RALGDS: variants seen among roughly 807,000 people sequenced by gnomAD.
RALGDS encodes the protein ral guanine nucleotide dissociation stimulator, also known as ral guanine nucleotide exchange factor.
A neutral mutation model predicts 99.8 loss-of-function variants in RALGDS; 44 were observed. That is an observed-to-expected ratio of 0.44 (90% CI 0.35 to 0.57). The LOEUF (loss-of-function observed/expected upper bound fraction) is 0.57, where lower values mean the gene tolerates loss of function less well. Among genes scored for constraint, RALGDS ranks in the 20% least tolerant of loss-of-function variants. The pLI is 0.01. For missense variants in RALGDS, 1,022 were observed against 1,203.1 expected, an observed-to-expected ratio of 0.85 and a Z score of 2.23; for synonymous variants, 529 against 505.0, an observed-to-expected ratio of 1.05 and a Z score of -0.64.
At chr9:133,137,483 G>C (rs541640461) in intron 1 of RALGDS, among the ~76,000 whole-genome samples, 84 of 152,262 alleles carry the variant, frequency 5.5e-4, no homozygotes, top group Non-Finnish European at 1.0e-3. Flanking sequence ...GATGAGGCTG[G>C]AGAGGAGCCT....
chr9:133,113,298 C>T (rs868447919), intron 1 of RALGDS, among the ~76,000 whole-genome samples: 4 of 152,298 alleles, frequency 2.6e-5, no homozygotes, highest in Middle Eastern at 3.4e-3. Flanking sequence ...CTTCCCTCAA[C>T]CCCAGCAGGA....
chr9:133,106,080 T>C, intron 8 of RALGDS, 64 bp from the exon 9 acceptor site: 1 of 1,315,120 alleles, frequency 7.6e-7, no homozygotes, highest in Non-Finnish European at 1.1e-6. Flanking sequence ...TGAGTGCAAA[T>C]CCGTTTTATT....
At chr9:133,130,616 G>C (rs1050849312) in intron 1 of RALGDS, among the ~76,000 whole-genome samples, 1 of 152,172 alleles carries the variant, frequency 6.6e-6, no homozygotes, top group Non-Finnish European at 1.5e-5. Context: ...TAATTTACTA[G>C]AGTGACTACT....
chr9:133,106,883 CG>C, intron 7 of RALGDS, 135 bp from the exon 8 acceptor site: 4 of 913,788 alleles, frequency 4.4e-6, no homozygotes, highest in Non-Finnish European at 6.9e-6. Context: ...GCCTGCGACC[CG>C]GGGGTGACAG....
intron 1 of RALGDS, among the ~76,000 whole-genome samples, chr9:133,113,459 G>T (rs1021215783): frequency 6.6e-6 from 1 of 152,178 alleles, no homozygotes; most frequent in Admixed American, 6.5e-5. Flanking sequence ...AAAGCTGCGG[G>T]CATTGTGCCG....
At chr9:133,135,189 C>T (rs895035187), upstream of RALGDS, among the ~76,000 whole-genome samples, 3 of 152,122 alleles carry the variant, frequency 2.0e-5, no homozygotes, top group Non-Finnish European at 2.9e-5. Context: ...TAGGGAGACC[C>T]GGGGACTCCC....
chr9:133,125,771 C>T (rs978532726), upstream of RALGDS, among the ~76,000 whole-genome samples: 4 of 152,142 alleles, frequency 2.6e-5, no homozygotes, highest in African/African-American at 4.8e-5. Flanking sequence ...TTGAGACTCA[C>T]CCTCTGATGC....
chr9:133,102,227 CA>C, intron 14 of RALGDS, 88 bp from the exon 15 acceptor site: 1 of 1,408,352 alleles, frequency 7.1e-7, no homozygotes, highest in Non-Finnish European at 9.7e-7. Flanking sequence ...AAGGACTGTG[CA>C]AAGTGCTGGG....
chr9:133,105,964 T>G lies in RALGDS; in HGVS notation c.1570A>C (p.Asn524His), dbSNP rs1261089407. ...AGCAGCTCCCGGCTCAATGAGTAGT[T>G]GTTCTCATCTGAGAAGATCTCTGAC... ...KLSEIFSDEN[N>H]YSLSRELLIK... The change falls in exon 9 of 18, where the codon AAC becomes CAC. Residue 524 changes from asparagine to histidine, a missense_variant. Asn to His is a moderately conservative substitution (Grantham distance 68). This residue lies in a region of RALGDS where 825 missense variants were observed against 994.5 expected (regional missense o/e 0.83). Coordinates refer to ENST00000372050, the MANE Select transcript of RALGDS (RefSeq NM_006266.4). The G allele has an allele frequency of 6.2e-7, 1 of 1,604,294 alleles. No homozygotes were observed. Among genetic ancestry groups the G allele is most frequent in the East Asian group, 2.3e-5 (1 of 44,052 alleles).
chr9:133,115,400 C>A (rs561074066), intron 1 of RALGDS, among the ~76,000 whole-genome samples: 2 of 152,308 alleles, frequency 1.3e-5, no homozygotes, highest in South Asian at 2.1e-4. Context: ...GAAAGGCTCA[C>A]GGCAGAGCCT....
At chr9:133,107,336 C>T in intron 6 of RALGDS, 36 bp from the exon 7 acceptor site, 1 of 1,561,018 alleles carries the variant, frequency 6.4e-7, no homozygotes, top group African/African-American at 1.4e-5. Context: ...GGTCCTGCCC[C>T]AGCAGTCTGG....
chr9:133,135,431 G>A (rs1387622768), upstream of RALGDS, among the ~76,000 whole-genome samples: 1 of 152,196 alleles, frequency 6.6e-6, no homozygotes, highest in African/African-American at 2.4e-5. Context: ...CACGCAGGTT[G>A]CCAAGAAGCT....
At chr9:133,127,852 C>A (rs917507612) in intron 1 of RALGDS, among the ~76,000 whole-genome samples, 1 of 152,232 alleles carries the variant, frequency 6.6e-6, no homozygotes. Context: ...GTGACAGCAA[C>A]CCTCTGACCT....
At position 133,121,031 on chromosome 9, in the gene RALGDS, T is replaced by C. The variant is rs938445033; in HGVS notation, c.124A>G (p.Ser42Gly). The change falls in exon 1 of 18, where the codon AGC becomes GGC. Residue 42 changes from serine to glycine, a missense_variant. By Grantham distance (56) the Ser-to-Gly change is moderately conservative. This residue lies in a region of RALGDS where 180 missense variants were observed against 169.3 expected (regional missense o/e 1.06). Transcript: ENST00000372050. ...AVRLEVGVPD[S>G]CPVVLHSFTQ... is the part of the protein sequence containing the mutation. ...AAGCTGTGCAGCACCACCGGGCAGCTGTCGGGGACGCCCACCTCCAGGCGC... is the reference window on the plus strand; with the variant it reads ...AAGCTGTGCAGCACCACCGGGCAGCCGTCGGGGACGCCCACCTCCAGGCGC... 8.3e-5 allele frequency: 124 copies of C among 1,495,542 alleles called. No individual in the cohort carries two copies. The highest frequency in any genetic ancestry group is 1.1e-4 in the Non-Finnish European group (120 of 1,128,978). 92.6% of individuals were successfully genotyped at this position (1,495,542 alleles called of 1,614,324 possible). A position where few individuals can be genotyped will look rare whatever the true frequency, so the allele number is the denominator to read the frequency against.
At position 133,112,041 on chromosome 9, in the gene RALGDS, C is replaced by T; in HGVS notation, c.294+1G>A. The T allele has an allele frequency of 6.4e-7, 1 of 1,569,584 alleles. No individual in the cohort carries two copies. The highest frequency in any genetic ancestry group is 8.6e-7 in the Non-Finnish European group (1 of 1,156,260). The stretch of plus-strand genomic sequence containing the variant: ...CCAGTGGAGACCCCGAGCGCACTCA[C>T]CCCGAGCCAGCGCTGCCCCTTGTTG... On this transcript the variant is annotated splice_donor_variant, in intron 2 of 17. Coordinates refer to ENST00000372050, the MANE Select transcript of RALGDS (RefSeq NM_006266.4). LOFTEE classifies it high-confidence loss of function.
chr9:133,141,978 A>T (rs1362560438), intron 1 of RALGDS, among the ~76,000 whole-genome samples: 1 of 152,112 alleles, frequency 6.6e-6, no homozygotes, highest in East Asian at 1.9e-4. Flanking sequence ...ACACGGTACC[A>T]CACGTGGTAC....
At chr9:133,120,757 CCTA>C (rs1292088755) in intron 1 of RALGDS, among the ~76,000 whole-genome samples, 2 of 152,186 alleles carry the variant, frequency 1.3e-5, no homozygotes, top group African/African-American at 4.8e-5. Flanking sequence ...AGCCGTGGTC[CCTA>C]CTGTTGGACG....
At chr9:133,147,657 T>C (rs1483081748) in intron 1 of RALGDS, among the ~76,000 whole-genome samples, 1 of 152,170 alleles carries the variant, frequency 6.6e-6, no homozygotes, top group East Asian at 1.9e-4. Context: ...CTCCAGTTGC[T>C]CCAATGAGTA....
chr9:133,108,711 T>C lies in RALGDS; in HGVS notation c.740A>G (p.Gln247Arg). The change falls in exon 5 of 18, where the codon CAG (glutamine) becomes CGG (arginine). Residue 247 changes from glutamine to arginine, a missense_variant. Physicochemically the swap from Gln to Arg is conservative, Grantham distance 43. Transcript: ENST00000372050. The stretch of plus-strand genomic sequence containing the variant: ...CTCAATGGGTTCCGAGTGCTCCAGC[T>C]GGGCCAGGAGAAGGTGGGCACGGCG... ...LERRAHLLLA[Q>R]LEHSEPIEAE... 1 of 1,613,712 alleles carries C rather than the reference T, an allele frequency of 6.2e-7. No homozygotes were observed. The highest frequency in any genetic ancestry group is 8.5e-7 in the Non-Finnish European group (1 of 1,180,008).
Sources: gnomAD v4.1 joint callset for allele counts (sites outside exome capture counted in the v4.1 genomes callset) on GRCh38, gnomAD v4.1.1 for gene constraint, gnomAD v4.1.1 regional missense constraint, MANE v1.5 for transcripts, NCBI Gene and HGNC (gene_info 2026-07-23, HGNC 2026-07-21) for gene names.